Variants in CEP76 observed in about 807,000 individuals in gnomAD.
CEP76 encodes centrosomal protein 76, also known as centrosomal protein of 76 kDa.
CEP76 carries 55 observed loss-of-function variants against 83.3 expected under a neutral mutation model. That is an observed-to-expected ratio of 0.66 (90% CI 0.53 to 0.83). The LOEUF (loss-of-function observed/expected upper bound fraction) is 0.83, where lower values mean the gene tolerates loss of function less well. Ranked by LOEUF, CEP76 falls within the 40% of genes least tolerant of loss-of-function variation. The probability of loss-of-function intolerance (pLI) is 0.00; values close to 1 mark genes in which losing one functional copy is unlikely to be tolerated. For missense variants in CEP76, 694 were observed against 799.5 expected (o/e 0.87, Z 1.59); for synonymous variants, 270 against 274.5 (o/e 0.98, Z 0.16).
intron 1 of CEP76, among the ~76,000 whole-genome samples, chr18:12,701,883 C>T (rs2040165412): frequency 6.6e-6 from 1 of 152,218 alleles, no homozygotes; most frequent in African/African-American, 2.4e-5. Context: ...GTAATCCCAG[C>T]ACTTTAGGAG....
chr18:12,690,940 C>A (rs1284097710), intron 7 of CEP76, among the ~76,000 whole-genome samples: 1 of 84,990 alleles, frequency 1.2e-5, no homozygotes, highest in Non-Finnish European at 3.2e-5. Context: ...ATGCCCAGAG[C>A]CCCCCCCCGT....
At chr18:12,698,493 AT>A (rs1462305874) in intron 4 of CEP76, among the ~76,000 whole-genome samples, 2 of 152,122 alleles carry the variant, frequency 1.3e-5, no homozygotes, top group Non-Finnish European at 2.9e-5. Context: ...TGTAGAGACA[AT>A]GTCTCACTTT....
intron 7 of CEP76, among the ~76,000 whole-genome samples, chr18:12,687,540 G>A (rs182520623): frequency 1.3e-5 from 2 of 148,622 alleles, no homozygotes; most frequent in South Asian, 2.1e-4. Context: ...TGCAACCTCC[G>A]CCCATGGGTT....
chr18:12,696,284 C>G (rs865824779), intron 5 of CEP76, among the ~76,000 whole-genome samples: 88 of 152,224 alleles, frequency 5.8e-4, no homozygotes, highest in African/African-American at 1.8e-3. Flanking sequence ...GCGGGCAGAT[C>G]ACGAGGTCAA....
intron 1 of CEP76, 92 bp from the exon 2 acceptor site, chr18:12,701,205 G>T: frequency 1.2e-6 from 1 of 868,244 alleles, no homozygotes; most frequent in Non-Finnish European, 1.8e-6. Flanking sequence ...AACAGTAAAT[G>T]CACAATTGTT....
At chr18:12,697,012 A>G (rs1699555630) in intron 5 of CEP76, among the ~76,000 whole-genome samples, 1 of 152,216 alleles carries the variant, frequency 6.6e-6, no homozygotes, top group Non-Finnish European at 1.5e-5. Flanking sequence ...TTCTCCTAAG[A>G]CAAGGTCAGA....
At chr18:12,671,550 G>A (rs1338790278), downstream of CEP76, among the ~76,000 whole-genome samples, 1 of 150,418 alleles carries the variant, frequency 6.6e-6, no homozygotes, top group Middle Eastern at 3.2e-3. Context: ...AAGTTGAATT[G>A]CTACTCTTTT....
At position 12,697,208 on chromosome 18, in the gene CEP76, T is replaced by C. The variant is rs749366947; in HGVS notation, c.706+15A>G. Reference sequence around the variant, plus strand: ...GGCTATAAAAAGGTTAACAATGATATATTAATCACCATACCTACACCCATA... The same window carrying C: ...GGCTATAAAAAGGTTAACAATGATACATTAATCACCATACCTACACCCATA... On this transcript the variant is annotated intron_variant, in intron 5 of 11. Coordinates refer to ENST00000262127, the MANE Select transcript of CEP76 (RefSeq NM_024899.4). The C allele has an allele frequency of 4.2e-5, 66 of 1,558,912 alleles. No individual in the cohort carries two copies. Among genetic ancestry groups the C allele is most frequent in the Non-Finnish European group, 5.5e-5 (63 of 1,146,144 alleles).
At chr18:12,691,164 A>T (rs2039746492) in intron 7 of CEP76, 195 bp downstream of exon 7, 1 of 408,684 alleles carries the variant, frequency 2.4e-6, no homozygotes, top group South Asian at 9.0e-5. Flanking sequence ...CTGAAATTGA[A>T]AGTAAAATAA....
At chr18:12,668,987 G>A (rs1048208881), downstream of CEP76, among the ~76,000 whole-genome samples, 6 of 140,976 alleles carry the variant, frequency 4.3e-5, no homozygotes, top group Middle Eastern at 5.2e-3. Context: ...TGATCTGCCT[G>A]CCTCAGCCTC....
At chr18:12,668,995 C>A (rs541862100), downstream of CEP76, among the ~76,000 whole-genome samples, 1 of 146,396 alleles carries the variant, frequency 6.8e-6, no homozygotes, top group East Asian at 2.0e-4. Context: ...CTGCCTCAGC[C>A]TCCCAATTAC....
chr18:12,669,938 G>GGTGAGCCGAGATTGCC (rs1568006016), downstream of CEP76, among the ~76,000 whole-genome samples: 1 of 151,128 alleles, frequency 6.6e-6, no homozygotes, highest in African/African-American at 2.4e-5. Context: ...CGGAGGTTGC[G>GGTGAGCCGAGATTGCC]GTGAGCCGAG....
intron 6 of CEP76, chr18:12,692,361 T>C (rs2039799412): frequency 6.6e-6 from 1 of 152,016 alleles, no homozygotes; most frequent in Non-Finnish European, 1.5e-5. Context: ...AAACACTTCA[T>C]TCTCCATCAC....
chr18:12,663,351 C>A (rs1197426301), intron 12 of CEP76: 1 of 152,250 alleles, frequency 6.6e-6, no homozygotes, highest in Non-Finnish European at 1.5e-5. Flanking sequence ...CAGCTCACTG[C>A]AATCTCCACC....
At chr18:12,683,666 G>A (rs373993365) in intron 8 of CEP76, among the ~76,000 whole-genome samples, 7 of 151,168 alleles carry the variant, frequency 4.6e-5, no homozygotes, top group African/African-American at 1.5e-4. Flanking sequence ...CAGGAGAATC[G>A]CTTGAACCCA....
At chr18:12,701,170 T>G (rs1814462265) in intron 1 of CEP76, 57 bp from the exon 2 acceptor site, 3 of 1,374,416 alleles carry the variant, frequency 2.2e-6, no homozygotes, top group African/African-American at 1.4e-5. Flanking sequence ...AAATACTGCT[T>G]CTGAAGTTTT....
In CEP76 at chr18:12,673,411, C is replaced by A. The variant is rs532240201; in HGVS notation, c.1934G>T (p.Cys645Phe). Reference protein sequence around the residue: ...VRVFTYPESACAVWIMFACKY... With the variant: ...VRVFTYPESAFAVWIMFACKY... ...ACAAGCAAACATGATCCAAACAGCA[C>A]ATGCAGATTCAGGGTAAGTAAATAC... is the stretch of plus-strand genomic sequence containing the variant. The change falls in exon 12 of 12, where the codon TGT becomes TTT. Residue 645 changes from cysteine to phenylalanine, a missense_variant. Cys to Phe is a radical substitution (Grantham distance 205, BLOSUM62 -2). Coordinates refer to ENST00000262127, the MANE Select transcript of CEP76 (RefSeq NM_024899.4). 6.2e-7 allele frequency: 1 copy of A among 1,606,980 alleles called. No homozygotes were observed. Among genetic ancestry groups the A allele is most frequent in the Non-Finnish European group, 8.5e-7 (1 of 1,177,740 alleles).
intron 10 of CEP76, among the ~76,000 whole-genome samples, chr18:12,676,421 T>G (rs934275381): frequency 1.3e-5 from 2 of 151,142 alleles, no homozygotes; most frequent in Non-Finnish European, 2.9e-5. Flanking sequence ...ACTACAGGCA[T>G]GCACCACCAC....
intron 11 of CEP76, 86 bp from the exon 12 acceptor site, chr18:12,673,589 A>T: frequency 8.4e-7 from 1 of 1,187,118 alleles, no homozygotes; most frequent in Non-Finnish European, 1.2e-6. Context: ...ATTTAAAATA[A>T]TTTTTTCAGG....
Sources: gnomAD v4.1 joint callset for allele counts (sites outside exome capture counted in the v4.1 genomes callset) on GRCh38, gnomAD v4.1.1 for gene constraint, MANE v1.5 for transcripts, NCBI Gene and HGNC (gene_info 2026-07-23, HGNC 2026-07-21) for gene names.